Variants in NR6A1 observed in about 807,000 individuals in gnomAD.
NR6A1 encodes the protein retinoic acid receptor-related testis-associated receptor.
A neutral mutation model predicts 59.1 loss-of-function variants in NR6A1; 7 were observed. That is an observed-to-expected ratio of 0.12 (90% CI 0.07 to 0.22). NR6A1 has a LOEUF of 0.22. Ranked by LOEUF, NR6A1 falls within the 10% of genes least tolerant of loss-of-function variation. NR6A1 has a pLI of 1.00. For missense variants in NR6A1, 468 were observed against 611.6 expected, an observed-to-expected ratio of 0.77 and a Z score of 2.48; for synonymous variants, 243 against 236.1, an observed-to-expected ratio of 1.03 and a Z score of -0.27.
At chr9:124,612,874 C>T (rs758353691) in intron 2 of NR6A1, among the ~76,000 whole-genome samples, 1 of 151,572 alleles carries the variant, frequency 6.6e-6, no homozygotes, top group Non-Finnish European at 1.5e-5. Flanking sequence ...ATTGGTACAA[C>T]ATTTTGAGAG....
At chr9:124,606,097 CTCTCCCT>C (rs909145365) in intron 2 of NR6A1, among the ~76,000 whole-genome samples, 1 of 151,462 alleles carries the variant, frequency 6.6e-6, no homozygotes, top group Non-Finnish European at 1.5e-5. Flanking sequence ...AAGAGCCTTC[CTCTCCCT>C]TCTCCCTTCT....
chr9:124,734,339 C>T (rs1413326577), intron 1 of NR6A1, among the ~76,000 whole-genome samples: 1 of 152,222 alleles, frequency 6.6e-6, no homozygotes, highest in East Asian at 1.9e-4. Flanking sequence ...CTCTCACAAG[C>T]CTAGCACGGA....
At position 124,524,890 on chromosome 9, in the gene NR6A1, A is replaced by AAAC; in HGVS notation, c.1202-18_1202-17insGTT. 3.2e-6 allele frequency: 5 copies of AAAC among 1,582,360 alleles called. No individual in the cohort carries two copies. The highest frequency in any genetic ancestry group is 2.7e-5 in the African/African-American group (2 of 73,014). ...CCCTGATATCTGTGGAAAAAAAAAA[A>AAAC]ACACACACACACATACAGGGAATGG... is the stretch of plus-strand genomic sequence containing the variant. On this transcript the variant is annotated splice_polypyrimidine_tract_variant and intron_variant, in intron 8 of 9. Coordinates refer to ENST00000487099, the MANE Select transcript of NR6A1 (RefSeq NM_033334.4).
At chr9:124,742,561 AAAAAAT>A (rs965134051) in intron 1 of NR6A1, among the ~76,000 whole-genome samples, 2 of 151,784 alleles carry the variant, frequency 1.3e-5, no homozygotes, top group Non-Finnish European at 2.9e-5. Context: ...ACTTCGTCTC[AAAAAAT>A]AAAAATAAAA....
intron 6 of NR6A1, among the ~76,000 whole-genome samples, chr9:124,537,313 T>C (rs551774640): frequency 6.6e-6 from 1 of 152,296 alleles, no homozygotes; most frequent in East Asian, 1.9e-4. Flanking sequence ...CGTCTGGAAC[T>C]CGTGACCTGG....
intron 2 of NR6A1, among the ~76,000 whole-genome samples, chr9:124,650,971 G>A (rs1161452067): frequency 1.3e-5 from 2 of 152,200 alleles, no homozygotes; most frequent in African/African-American, 2.4e-5. Flanking sequence ...CAATGCTTTA[G>A]TGAAGACTAT....
chr9:124,742,803 G>A (rs563516292), intron 1 of NR6A1, among the ~76,000 whole-genome samples: 5 of 152,250 alleles, frequency 3.3e-5, no homozygotes, highest in African/African-American at 1.2e-4. Flanking sequence ...GTGAACCCGG[G>A]AAGTAGAGGT....
intron 2 of NR6A1, among the ~76,000 whole-genome samples, chr9:124,556,672 G>A (rs1166585553): frequency 6.6e-6 from 1 of 151,952 alleles, no homozygotes; most frequent in Non-Finnish European, 1.5e-5. Flanking sequence ...TCTTGGCCAG[G>A]CTGGTCTTGA....
rs749730032 is a variant in NR6A1, at chr9:124,538,207, G to A, written c.709C>T (p.Pro237Ser). ...CTGCGAGCTTGTTGGGGCAGAAGTG[G>A]TGAGTGGCCAGAATAGCTAAAAAGG... is the stretch of plus-strand genomic sequence containing the variant. ...PHLFSYSGHS[P>S]LLPQQARSLD... The change falls in exon 6 of 10, where the codon CCA becomes TCA. Residue 237 changes from proline (P) to serine (S), a missense_variant. Coordinates refer to ENST00000487099, the MANE Select transcript of NR6A1 (RefSeq NM_033334.4). 2 of 1,614,220 alleles carry A rather than the reference G, an allele frequency of 1.2e-6. No individual in the cohort carries two copies. Among genetic ancestry groups the A allele is most frequent in the Non-Finnish European group, 1.7e-6 (2 of 1,180,042 alleles).
At chr9:124,596,591 C>T (rs974121069) in intron 2 of NR6A1, among the ~76,000 whole-genome samples, 7 of 152,136 alleles carry the variant, frequency 4.6e-5, no homozygotes, top group Non-Finnish European at 1.0e-4. Context: ...CAATCCTTAC[C>T]CTCAGCCAAA....
At chr9:124,687,611 T>G (rs1366392533) in intron 2 of NR6A1, among the ~76,000 whole-genome samples, 2 of 152,122 alleles carry the variant, frequency 1.3e-5, no homozygotes, top group Non-Finnish European at 2.9e-5. Context: ...TTGAGATTCT[T>G]TTTTTCTCCT....
At chr9:124,658,557 G>A (rs1161827983) in intron 2 of NR6A1, 1 of 152,074 alleles carries the variant, frequency 6.6e-6, no homozygotes, top group Non-Finnish European at 1.5e-5. Context: ...TGTGCTGGCT[G>A]GAAGTTCCAT....
At chr9:124,758,627 A>G (rs1478070702) in intron 1 of NR6A1, among the ~76,000 whole-genome samples, 5 of 152,252 alleles carry the variant, frequency 3.3e-5, no homozygotes, top group Admixed American at 2.0e-4. Context: ...ACAAATTATC[A>G]TAACATCAGA....
chr9:124,638,872 T>C (rs1836692564), intron 2 of NR6A1, among the ~76,000 whole-genome samples: 1 of 152,178 alleles, frequency 6.6e-6, no homozygotes, highest in Admixed American at 6.5e-5. Context: ...TTAAGTGAAA[T>C]ATAATTATCC....
chr9:124,759,527 C>G (rs139410041), intron 1 of NR6A1, among the ~76,000 whole-genome samples: 1 of 152,318 alleles, frequency 6.6e-6, no homozygotes, highest in East Asian at 1.9e-4. Context: ...TGACTACCAG[C>G]AAGGGACTCT....
At chr9:124,646,411 A>C (rs1436755039) in intron 2 of NR6A1, among the ~76,000 whole-genome samples, 1 of 152,220 alleles carries the variant, frequency 6.6e-6, no homozygotes, top group Non-Finnish European at 1.5e-5. Context: ...CTAGTATCAG[A>C]AATAAAACAG....
At chr9:124,614,095 T>C (rs1215014677) in intron 2 of NR6A1, among the ~76,000 whole-genome samples, 1 of 151,958 alleles carries the variant, frequency 6.6e-6, no homozygotes, top group East Asian at 1.9e-4. Context: ...AGAACCCAGG[T>C]AGAGCTCAAC....
intron 2 of NR6A1, among the ~76,000 whole-genome samples, chr9:124,689,996 A>G (rs28411320): frequency 0.018 from 2,721 of 152,346 alleles, 82 homozygotes; most frequent in African/African-American, 0.062. Context: ...CTGCCGAATC[A>G]GTAAAAGGAT....
At chr9:124,716,492 C>T (rs1049642025) in intron 2 of NR6A1, among the ~76,000 whole-genome samples, 2 of 152,018 alleles carry the variant, frequency 1.3e-5, no homozygotes, top group Non-Finnish European at 2.9e-5. Context: ...CTGTTCCTCA[C>T]AAAACATGTT....
Sources: allele counts gnomAD v4.1 joint callset (sites outside exome capture counted in the v4.1 genomes callset), GRCh38; gene constraint gnomAD v4.1.1; transcripts MANE v1.5; gene names NCBI Gene and HGNC (gene_info 2026-07-23, HGNC 2026-07-21).